LPAR3: variants seen among roughly 807,000 people sequenced by gnomAD.
LPAR3 encodes lysophosphatidic acid receptor 3, also known as LPA receptor 3.
Under a neutral mutation model 17.8 loss-of-function variants are expected in LPAR3, and 7 were observed. The ratio of observed to expected loss-of-function variants is 0.39; its 90% CI spans 0.22 to 0.74. The LOEUF (loss-of-function observed/expected upper bound fraction) is 0.74. LPAR3 is among the 30% of genes least tolerant of loss of function. The pLI, the probability that LPAR3 is intolerant of heterozygous loss-of-function variation, is 0.40. For missense variants in LPAR3, 391 were observed against 453.4 expected (o/e 0.86, Z 1.25); for synonymous variants, 179 against 179.9 (o/e 0.99, Z 0.04).
At position 84,812,127 on chromosome 1, in the gene LPAR3, G is replaced by A. The variant is rs528130052; in HGVS notation, c.*1719C>T. 1.3e-5 allele frequency: 2 copies of A among 152,240 alleles called. No homozygotes were observed. The highest frequency in any genetic ancestry group is 6.5e-5 in the Admixed American group (1 of 15,298). 9.4% of individuals were successfully genotyped at this position (152,240 alleles called of 1,614,324 possible). ...GCTAAATCCAACATGCCACCAGTTG[G>A]TATGGAGGTAACTGAAGATAAGGAC... On this transcript the variant is annotated 3_prime_UTR_variant, in exon 3 of 3. Coordinates refer to ENST00000370611, the MANE Select transcript of LPAR3 (RefSeq NM_012152.3).
chr1:84,880,770 G>A (rs1166743725), intron 1 of LPAR3, among the ~76,000 whole-genome samples: 2 of 152,198 alleles, frequency 1.3e-5, no homozygotes, highest in South Asian at 2.1e-4. Context: ...AAAGGCCCAC[G>A]TTCATTCTCC....
chr1:84,814,575 G>A (rs1261875899), intron 2 of LPAR3, among the ~76,000 whole-genome samples: 9 of 152,184 alleles, frequency 5.9e-5, no homozygotes, highest in Non-Finnish European at 1.2e-4. Context: ...GGAGATGAGA[G>A]GAGAACTCTC....
chr1:84,843,288 G>A (rs562042955), intron 2 of LPAR3, among the ~76,000 whole-genome samples: 3 of 152,220 alleles, frequency 2.0e-5, no homozygotes, highest in East Asian at 1.9e-4. Flanking sequence ...TCCTGAGTAG[G>A]GGGTAGTAGT....
chr1:84,866,812 C>T lies in LPAR3; in HGVS notation c.-18-674G>A, dbSNP rs115930838. Among the ~76,000 whole-genome samples the T allele has an allele frequency of 9.5e-3, 1,445 of 152,274 alleles. 19 individuals are homozygous for T. The highest frequency in any genetic ancestry group is 0.032 in the African/African-American group (1,345 of 41,548). Reference sequence around the variant, plus strand: ...ATATTCACATATTAGGTATATGATGCAGGGATGGAGACTTTGGTCCCAATA... The same window carrying T: ...ATATTCACATATTAGGTATATGATGTAGGGATGGAGACTTTGGTCCCAATA... On this transcript the variant is annotated intron_variant, in intron 1 of 2. Coordinates refer to ENST00000370611, the MANE Select transcript of LPAR3 (RefSeq NM_012152.3).
At chr1:84,829,313 T>C (rs1659237077) in intron 2 of LPAR3, among the ~76,000 whole-genome samples, 1 of 151,986 alleles carries the variant, frequency 6.6e-6, no homozygotes, top group African/African-American at 2.4e-5. Context: ...TGCTGTCTAG[T>C]TCCCCTCTAG....
intron 1 of LPAR3, among the ~76,000 whole-genome samples, chr1:84,866,996 G>A (rs1356575909): frequency 1.3e-5 from 2 of 152,186 alleles, no homozygotes; most frequent in African/African-American, 4.8e-5. Flanking sequence ...AATTGGGGCA[G>A]ATCTCCAACT....
chr1:84,817,293 C>CACACACACA (rs1658954873), intron 2 of LPAR3, among the ~76,000 whole-genome samples: 3 of 103,568 alleles, frequency 2.9e-5, no homozygotes, highest in African/African-American at 9.0e-5. Context: ...ACACACACAC[C>CACACACACA]CCTCACTTTT....
At chr1:84,867,810 A>G (rs907793431) in intron 1 of LPAR3, among the ~76,000 whole-genome samples, 8 of 152,190 alleles carry the variant, frequency 5.3e-5, no homozygotes, top group Non-Finnish European at 1.0e-4. Flanking sequence ...ATAATATCAT[A>G]TATTTACACT....
intron 1 of LPAR3, among the ~76,000 whole-genome samples, chr1:84,876,222 G>A (rs1660254984): frequency 6.6e-6 from 1 of 152,056 alleles, no homozygotes. Flanking sequence ...CCTACCCCGT[G>A]TTCTGTCTGG....
intron 2 of LPAR3, among the ~76,000 whole-genome samples, chr1:84,859,949 T>G (rs1557601747): frequency 6.6e-6 from 1 of 152,262 alleles, no homozygotes; most frequent in Non-Finnish European, 1.5e-5. Flanking sequence ...TGTAGCTGAT[T>G]AGGCTTGTTG....
At chr1:84,854,487 C>T (rs1051752441) in intron 2 of LPAR3, among the ~76,000 whole-genome samples, 6 of 152,264 alleles carry the variant, frequency 3.9e-5, no homozygotes, top group Middle Eastern at 6.8e-3. Context: ...TAGTCACACA[C>T]AGGAAAAGCC....
chr1:84,821,633 G>A (rs12029532), intron 2 of LPAR3, among the ~76,000 whole-genome samples: 1 of 152,142 alleles, frequency 6.6e-6, no homozygotes, highest in Non-Finnish European at 1.5e-5. Flanking sequence ...CATCTCCCTA[G>A]GGAATGCTTT....
At chr1:84,818,919 T>C (rs1369392506) in intron 2 of LPAR3, among the ~76,000 whole-genome samples, 1 of 152,262 alleles carries the variant, frequency 6.6e-6, no homozygotes, top group African/African-American at 2.4e-5. Flanking sequence ...TTGTTTCATT[T>C]TTTTCTATGT....
At chr1:84,836,338 T>TA (rs77497063) in intron 2 of LPAR3, among the ~76,000 whole-genome samples, 44,166 of 129,038 alleles carry the variant, frequency 0.34, 7,937 homozygotes, top group African/African-American at 0.45. Flanking sequence ...ATCCTGTCTT[T>TA]AAAAAAAAAA....
intron 2 of LPAR3, among the ~76,000 whole-genome samples, chr1:84,861,459 C>T (rs1352932177): frequency 2.6e-5 from 4 of 152,160 alleles, no homozygotes; most frequent in African/African-American, 9.7e-5. Flanking sequence ...TCATTCCCAC[C>T]TTTGGTTACT....
chr1:84,885,775 G>T (rs1247942639), intron 1 of LPAR3, among the ~76,000 whole-genome samples: 1 of 152,180 alleles, frequency 6.6e-6, no homozygotes, highest in East Asian at 1.9e-4. Flanking sequence ...GAGGAGGCAG[G>T]ATGACCTTCA....
chr1:84,833,722 A>C (rs1659338440), intron 2 of LPAR3, among the ~76,000 whole-genome samples: 1 of 152,166 alleles, frequency 6.6e-6, no homozygotes, highest in Admixed American at 6.5e-5. Flanking sequence ...TCATTACCTT[A>C]TCTGTCACAC....
chr1:84,855,997 C>A (rs1351372760), intron 2 of LPAR3, among the ~76,000 whole-genome samples: 1 of 152,170 alleles, frequency 6.6e-6, no homozygotes. Context: ...GCATCAGACA[C>A]TGAGGTCATC....
chr1:84,855,418 C>T (rs1247599925), intron 2 of LPAR3, among the ~76,000 whole-genome samples: 1 of 152,116 alleles, frequency 6.6e-6, no homozygotes, highest in African/African-American at 2.4e-5. Context: ...TGAAACCTTC[C>T]AGGAGGCTGG....
Sources: gnomAD v4.1 joint callset for allele counts (sites outside exome capture counted in the v4.1 genomes callset) on GRCh38, gnomAD v4.1.1 for gene constraint, MANE v1.5 for transcripts, NCBI Gene and HGNC (gene_info 2026-07-23, HGNC 2026-07-21) for gene names.